Variants in PCDHA9 observed in about 807,000 individuals in gnomAD.
PCDHA9 encodes the protein protocadherin alpha-9.
PCDHA9 carries 62 observed loss-of-function variants against 62.0 expected under a neutral mutation model. The observed-to-expected ratio is 1.00, with a 90% CI of 0.81 to 1.23. PCDHA9 has a LOEUF of 1.23. Among genes scored for constraint, PCDHA9 ranks in the 50% most tolerant of loss-of-function variants. The probability of loss-of-function intolerance (pLI) is 0.00; values close to 1 mark genes in which losing one functional copy is unlikely to be tolerated. For missense variants in PCDHA9, 1,205 were observed against 1,249.8 expected, an observed-to-expected ratio of 0.96 and a Z score of 0.54; for synonymous variants, 557 against 567.6, an observed-to-expected ratio of 0.98 and a Z score of 0.27.
intron 1 of PCDHA9, among the ~76,000 whole-genome samples, chr5:140,965,427 G>A (rs1336088571): frequency 6.6e-6 from 1 of 152,104 alleles, no homozygotes; most frequent in Non-Finnish European, 1.5e-5. Flanking sequence ...AAGATAAGCT[G>A]CAGTCATTGA....
At chr5:140,871,203 C>T in intron 1 of PCDHA9, 1 of 1,613,744 alleles carries the variant, frequency 6.2e-7, no homozygotes, top group East Asian at 2.2e-5. Context: ...TGTACCTGAT[C>T]ATCGCCATCT....
rs140058365 is a variant in PCDHA9 at position 140,928,379 on chromosome 5, G to A, written c.2395-50570G>A. 5.7e-4 allele frequency: 913 copies of A among 1,614,172 alleles called. 5 individuals are homozygous for A. The African/African-American group carries it at 0.01, about 18-fold the overall frequency. On this transcript the variant is annotated intron_variant, in intron 1 of 3. Transcript: ENST00000532602. ...ATCTCTGAAGGGCCATCAGCCTCTA[G>A]CTTGCTGGCAGTGGAATCATCCAGT...
intron 1 of PCDHA9, among the ~76,000 whole-genome samples, chr5:140,915,396 C>T (rs1554196881): frequency 6.6e-6 from 1 of 152,116 alleles, no homozygotes; most frequent in African/African-American, 2.4e-5. Context: ...CTAGGTATTT[C>T]TTATAGTCTT....
chr5:140,869,227 G>A, intron 1 of PCDHA9: 2 of 1,613,788 alleles, frequency 1.2e-6, no homozygotes, highest in African/African-American at 1.3e-5. Context: ...GGCCAAACAC[G>A]GCACCTTCGT....
At chr5:140,971,466 G>A (rs928383559) in intron 1 of PCDHA9, among the ~76,000 whole-genome samples, 2 of 152,144 alleles carry the variant, frequency 1.3e-5, no homozygotes, top group Non-Finnish European at 2.9e-5. Flanking sequence ...GCAGTTATAG[G>A]GAGAGAGTGT....
chr5:140,868,899 C>T (rs2050726190), intron 1 of PCDHA9: 5 of 804,894 alleles, frequency 6.2e-6, no homozygotes, highest in Admixed American at 3.0e-5. Flanking sequence ...CGCAAGGTGT[C>T]GCTCTTTACT....
chr5:140,881,465 G>A, intron 1 of PCDHA9: 1 of 597,254 alleles, frequency 1.7e-6, no homozygotes, highest in Non-Finnish European at 2.1e-6. Flanking sequence ...TTAGAGCATT[G>A]TTGTGGCTAA....
intron 1 of PCDHA9, among the ~76,000 whole-genome samples, chr5:140,874,942 C>T (rs2055181968): frequency 6.6e-6 from 1 of 152,060 alleles, no homozygotes; most frequent in African/African-American, 2.4e-5. Context: ...ATTGAAACAG[C>T]GGAATTGTAA....
intron 1 of PCDHA9, chr5:140,861,856 A>G (rs1225378019): frequency 1.3e-5 from 2 of 156,674 alleles, no homozygotes; most frequent in Admixed American, 1.3e-4. Context: ...TGGTGCTCAA[A>G]GCAACTGATG....
chr5:140,896,037 C>T (rs1373567434), intron 1 of PCDHA9, among the ~76,000 whole-genome samples: 1 of 152,156 alleles, frequency 6.6e-6, no homozygotes, highest in Non-Finnish European at 1.5e-5. Context: ...TCTCGAACTC[C>T]TGACCTCAGG....
At chr5:140,995,682 T>A (rs566340825) in intron 3 of PCDHA9, among the ~76,000 whole-genome samples, 28 of 152,312 alleles carry the variant, frequency 1.8e-4, no homozygotes, top group East Asian at 9.6e-4. Context: ...GCATTTTTTT[T>A]AATTGTTAAA....
At chr5:140,984,030 A>T (rs900763001) in intron 3 of PCDHA9, among the ~76,000 whole-genome samples, 17 of 152,330 alleles carry the variant, frequency 1.1e-4, no homozygotes, top group African/African-American at 3.6e-4. Context: ...AAGGGGAAAA[A>T]CATAAAATAG....
At chr5:140,871,283 C>G in intron 1 of PCDHA9, 4 of 1,613,936 alleles carry the variant, frequency 2.5e-6, no homozygotes, top group Non-Finnish European at 3.4e-6. Flanking sequence ...GCAACGCCCA[C>G]TGAGGGCGCG....
intron 1 of PCDHA9, among the ~76,000 whole-genome samples, chr5:140,913,928 G>A (rs2076511708): frequency 1.3e-5 from 2 of 151,918 alleles, no homozygotes; most frequent in Non-Finnish European, 2.9e-5. Flanking sequence ...CTTCATTGTG[G>A]TCAGAGAAGA....
Position 140,850,328 on chromosome 5 carries a change from GCAGCC to G in PCDHA9, c.1834_1838del (p.Gln612ArgfsTer96), listed in dbSNP as rs2150480020. 3 of 1,597,678 alleles carry G rather than the reference GCAGCC, an allele frequency of 1.9e-6. No homozygotes were observed. The highest frequency in any genetic ancestry group is 2.2e-5 in the South Asian group (2 of 90,532). ...ACAACGCGTGGCTTTCATACGAGCT[GCAGCC>G]AGAAACGGCCAGCGCGAGCATCCCG... On this transcript the variant is annotated frameshift_variant, in exon 1 of 4. Transcript: ENST00000532602. LOFTEE classifies it high-confidence loss of function.
At chr5:140,927,511 G>A (rs1563093224) in intron 1 of PCDHA9, 1 of 1,614,120 alleles carries the variant, frequency 6.2e-7, no homozygotes, top group Non-Finnish European at 8.5e-7. Context: ...TACAGCTCGG[G>A]ACGGCGGGCT....
chr5:140,928,050 G>A (rs782229340), intron 1 of PCDHA9: 3 of 1,614,180 alleles, frequency 1.9e-6, no homozygotes, highest in Non-Finnish European at 2.5e-6. Flanking sequence ...GCCCTTTTCA[G>A]CTGACGGCTT....
At chr5:140,928,927 G>T (rs1359556123) in intron 1 of PCDHA9, 1 of 1,613,982 alleles carries the variant, frequency 6.2e-7, no homozygotes, top group Non-Finnish European at 8.5e-7. Context: ...GCAGCTTTCT[G>T]CCCAGAACTT....
intron 1 of PCDHA9, among the ~76,000 whole-genome samples, chr5:140,942,607 A>G (rs529680459): frequency 1.7e-5 from 2 of 116,438 alleles, no homozygotes; most frequent in East Asian, 2.5e-4. Context: ...TAGTGTTTAT[A>G]TTTGCCAATT....
Sources: gnomAD v4.1 joint callset for allele counts (sites outside exome capture counted in the v4.1 genomes callset) on GRCh38, gnomAD v4.1.1 for gene constraint, MANE v1.5 for transcripts, NCBI Gene and HGNC (gene_info 2026-07-23, HGNC 2026-07-21) for gene names.